The following THBS4 variants were observed in gnomAD, a reference collection of about 807,000 sequenced individuals.
The protein encoded by THBS4 is thrombospondin-4.
A neutral mutation model predicts 115.7 loss-of-function variants in THBS4; 90 were observed. That is an observed-to-expected ratio of 0.78 (90% confidence interval 0.66 to 0.93). The LOEUF is 0.93. Among genes scored for constraint, THBS4 ranks in the 40% least tolerant of loss-of-function variants. THBS4 has a pLI of 0.00. For synonymous variants in THBS4, 460 were observed against 479.3 expected (o/e 0.96, Z 0.53); for missense variants, 1,087 against 1,232.7 (o/e 0.88, Z 1.77).
chr5:79,999,803 C>T (rs1310458190), intron 2 of THBS4, among the ~76,000 whole-genome samples: 1 of 152,128 alleles, frequency 6.6e-6, no homozygotes, highest in Non-Finnish European at 1.5e-5. Context: ...GGTCTGATAC[C>T]TCAGTTTATG....
chr5:80,078,012 C>A (rs375908414), intron 16 of THBS4, 37 bp from the exon 17 acceptor site: 3 of 1,505,346 alleles, frequency 2.0e-6, no homozygotes, highest in Non-Finnish European at 2.7e-6. Flanking sequence ...TGGGTGTGAG[C>A]GCTATTGAGC....
intron 2 of THBS4, among the ~76,000 whole-genome samples, chr5:80,024,395 C>T (rs1198404303): frequency 6.6e-6 from 1 of 152,212 alleles, no homozygotes; most frequent in Non-Finnish European, 1.5e-5. Context: ...AAGCCCAATG[C>T]TGTTCATTGA....
chr5:80,022,052 A>G (rs1832388890), intron 2 of THBS4, among the ~76,000 whole-genome samples: 1 of 152,110 alleles, frequency 6.6e-6, no homozygotes, highest in Non-Finnish European at 1.5e-5. Context: ...TCAGTTTTCT[A>G]TGAAAGGTTT....
intron 2 of THBS4, among the ~76,000 whole-genome samples, chr5:80,044,924 C>A (rs1325917864): frequency 6.6e-6 from 1 of 151,998 alleles, no homozygotes. Flanking sequence ...TAGTATCTGG[C>A]GTAAAGACAA....
At chr5:80,057,107 A>G (rs373158653) in intron 3 of THBS4, among the ~76,000 whole-genome samples, 2 of 152,200 alleles carry the variant, frequency 1.3e-5, no homozygotes, top group African/African-American at 2.4e-5. Context: ...AGATTTACAT[A>G]TGGAAAAAAA....
At chr5:80,082,047 A>G (rs1025945663) in intron 20 of THBS4, 5 of 200,844 alleles carry the variant, frequency 2.5e-5, no homozygotes, top group Admixed American at 2.2e-4. Context: ...TCACATGACA[A>G]TAAGACACAA....
Position 80,072,373 on chromosome 5 carries a change from C to G in THBS4, c.1816C>G (p.Pro606Ala). ...TGTGGGGGATGCCTGTGACAGTTGT[C>G]CTGATGTCAGCAACCCTAACCAGGT... Reference protein sequence around the residue: ...DGVGDACDSCPDVSNPNQSDV... With the variant: ...DGVGDACDSCADVSNPNQSDV... Residue 606 changes from proline (P) to alanine (A), a missense_variant, in exon 14 of 22, where the codon CCT (proline) becomes GCT (alanine). Transcript: ENST00000350881. 6.2e-7 allele frequency: 1 copy of G among 1,614,094 alleles called. No individual in the cohort carries two copies.
Position 80,000,353 on chromosome 5 carries a change from G to C in THBS4, n.177+1926G>C, listed in dbSNP as rs570756023. ...TTCAAATGTCTCAAAGTTACCCTTTGCTTTTGACCACAAAGTCTACCCCTC... is the reference window on the plus strand; with the variant it reads ...TTCAAATGTCTCAAAGTTACCCTTTCCTTTTGACCACAAAGTCTACCCCTC... On this transcript the variant is annotated intron_variant and non_coding_transcript_variant, in intron 2 of 3. Coordinates refer to the THBS4 transcript ENST00000510218. Among the ~76,000 whole-genome samples the C allele has an allele frequency of 5.3e-5, 8 of 152,260 alleles. No homozygotes were observed. In the East Asian group the frequency reaches 1.4e-3, roughly 26 times the overall value.
intron 13 of THBS4, 48 bp from the exon 14 acceptor site, chr5:80,072,230 G>A: frequency 6.5e-7 from 1 of 1,538,802 alleles, no homozygotes; most frequent in Non-Finnish European, 9.0e-7. Flanking sequence ...GCACCTAGAA[G>A]AAGTCAGTGA....
chr5:80,073,050 G>A (rs1260924012), intron 14 of THBS4, among the ~76,000 whole-genome samples: 4 of 152,182 alleles, frequency 2.6e-5, no homozygotes, highest in Non-Finnish European at 5.9e-5. Context: ...AGCTCATCTG[G>A]TGTGTGGGCA....
chr5:80,003,778 T>C (rs905447822), intron 2 of THBS4, among the ~76,000 whole-genome samples: 6 of 152,232 alleles, frequency 3.9e-5, no homozygotes, highest in Non-Finnish European at 7.3e-5. Context: ...TATGTTACTG[T>C]ATAATTTACA....
At position 80,068,047 on chromosome 5, in the gene THBS4, C is replaced by G. The variant is rs1833897846; in HGVS notation, c.1269C>G (p.Asn423Lys). 1.2e-6 allele frequency: 2 copies of G among 1,614,070 alleles called. No individual in the cohort carries two copies. The change falls in exon 10 of 22, where the codon AAC (asparagine) becomes AAG (lysine). Residue 423 changes from asparagine (N) to lysine (K), a missense_variant. Coordinates refer to ENST00000350881, the MANE Select transcript of THBS4 (RefSeq NM_003248.6). ...DQIRGCKAER[N>K]CRNPELNPCS... ...TAAGGGGATGCAAAGCGGAAAGAAA[C>G]TGCAGAAACCCAGAGCTGAACCCTT...
At chr5:80,011,178 G>C (rs553663967) in intron 2 of THBS4, among the ~76,000 whole-genome samples, 2 of 152,340 alleles carry the variant, frequency 1.3e-5, no homozygotes, top group South Asian at 4.1e-4. Context: ...TGCCATCCAT[G>C]TAAGACGTGA....
At chr5:80,020,756 T>C (rs1832355354) in intron 2 of THBS4, among the ~76,000 whole-genome samples, 1 of 152,138 alleles carries the variant, frequency 6.6e-6, no homozygotes, top group Non-Finnish European at 1.5e-5. Flanking sequence ...CTCGGGCACG[T>C]TGCCTGTCTA....
At chr5:80,024,498 A>ACTC (rs1449504547) in intron 2 of THBS4, among the ~76,000 whole-genome samples, 1 of 151,876 alleles carries the variant, frequency 6.6e-6, no homozygotes, top group Non-Finnish European at 1.5e-5. Flanking sequence ...GTAAGACACC[A>ACTC]CTCCTTTATT....
At chr5:80,030,704 C>A (rs534030307), upstream of THBS4, among the ~76,000 whole-genome samples, 7 of 152,162 alleles carry the variant, frequency 4.6e-5, no homozygotes, top group South Asian at 1.2e-3. Flanking sequence ...GATGAGGTCT[C>A]ACTATGTTGC....
rs960068066 is a variant in THBS4 at position 80,082,930 on chromosome 5, A to G, written c.2825-150A>G. Reference sequence around the variant, plus strand: ...GCTTTAAGCCAACGGTTTGCAAAGCAGCCTGCAGGAGAAAATGGCGGCGAG... The same window carrying G: ...GCTTTAAGCCAACGGTTTGCAAAGCGGCCTGCAGGAGAAAATGGCGGCGAG... On this transcript the variant is annotated intron_variant, in intron 21 of 21. Coordinates refer to ENST00000350881, the MANE Select transcript of THBS4 (RefSeq NM_003248.6). 22 of 734,158 alleles carry G rather than the reference A, an allele frequency of 3.0e-5. No individual in the cohort carries two copies. In the African/African-American group the frequency reaches 3.7e-4, roughly 12 times the overall value. 45.5% of individuals were successfully genotyped at this position (734,158 alleles called of 1,614,324 possible). A position where few individuals can be genotyped will look rare whatever the true frequency, so the allele number is the denominator to read the frequency against.
At chr5:80,033,163 A>G (rs1268158560), upstream of THBS4, 2 of 413,458 alleles carry the variant, frequency 4.8e-6, no homozygotes, top group East Asian at 1.4e-4. Context: ...GGCACCTGGC[A>G]TGATCAACTC....
chr5:80,007,710 A>G (rs998197341), intron 2 of THBS4, among the ~76,000 whole-genome samples: 1 of 152,236 alleles, frequency 6.6e-6, no homozygotes, highest in African/African-American at 2.4e-5. Flanking sequence ...ACTAGGTATA[A>G]GCCAGTGGCA....
Sources: gnomAD v4.1 joint callset for allele counts (sites outside exome capture counted in the v4.1 genomes callset) on GRCh38, gnomAD v4.1.1 for gene constraint, MANE v1.5 for transcripts, NCBI Gene and HGNC (gene_info 2026-07-23, HGNC 2026-07-21) for gene names.